COP1: variants seen among roughly 807,000 people sequenced by gnomAD.
The protein encoded by COP1 is E3 ubiquitin-protein ligase COP1.
COP1 carries 24 observed loss-of-function variants against 101.3 expected under a neutral mutation model. The observed-to-expected ratio is 0.24, with a 90% CI of 0.17 to 0.33. The LOEUF (loss-of-function observed/expected upper bound fraction) is 0.33, where lower values mean the gene tolerates loss of function less well. Ranked by LOEUF, COP1 falls within the 10% of genes least tolerant of loss-of-function variation. The pLI is 1.00. For missense variants in COP1, 663 were observed against 906.2 expected (o/e 0.73, Z 3.45); for synonymous variants, 347 against 341.9 (o/e 1.01, Z -0.17).
intron 18 of COP1, among the ~76,000 whole-genome samples, chr1:175,965,177 T>G (rs1032377854): frequency 2.0e-5 from 3 of 152,164 alleles, no homozygotes; most frequent in Admixed American, 6.5e-5. Flanking sequence ...TCTCCTCATG[T>G]AGGAGGTCAT....
At chr1:176,009,273 C>T (rs759518828) in intron 15 of COP1, among the ~76,000 whole-genome samples, 1 of 152,138 alleles carries the variant, frequency 6.6e-6, no homozygotes, top group African/African-American at 2.4e-5. Flanking sequence ...GGTATTTTCC[C>T]ATGGAGATTT....
At chr1:175,991,465 G>A (rs1275005680) in intron 15 of COP1, among the ~76,000 whole-genome samples, 1 of 152,136 alleles carries the variant, frequency 6.6e-6, no homozygotes. Context: ...GTGAGTTAGT[G>A]AGTGGTAAAT....
intron 1 of COP1, among the ~76,000 whole-genome samples, chr1:176,203,058 C>A (rs898138037): frequency 6.6e-6 from 1 of 151,936 alleles, no homozygotes; most frequent in Non-Finnish European, 1.5e-5. Flanking sequence ...ACCTTCTCGG[C>A]CGGGCGCGGT....
At chr1:176,106,689 CAT>C (rs1267942092) in intron 9 of COP1, among the ~76,000 whole-genome samples, 1 of 152,200 alleles carries the variant, frequency 6.6e-6, no homozygotes, top group Non-Finnish European at 1.5e-5. Flanking sequence ...ACTCCTGGCT[CAT>C]TGGCTTCCCC....
intron 15 of COP1, among the ~76,000 whole-genome samples, chr1:176,013,122 G>A (rs1664976325): frequency 6.6e-6 from 1 of 152,016 alleles, no homozygotes; most frequent in South Asian, 2.1e-4. Context: ...CAACATAAAT[G>A]TTGTATGTAA....
At chr1:176,019,589 G>A (rs1426566971) in intron 15 of COP1, among the ~76,000 whole-genome samples, 4 of 150,362 alleles carry the variant, frequency 2.7e-5, no homozygotes, top group African/African-American at 7.3e-5. Context: ...GGCCTGGCAC[G>A]GTGGCTCACA....
rs1165280945 is a variant in COP1 at position 176,206,881 on chromosome 1, G to A, written c.98C>T (p.Ser33Phe). ...SVTSASSSLS[S>F]SPSPPSVAVS... is the part of the protein sequence containing the mutation. ...CGCCACGGAAGGCGGCGACGGGGAAGAGGATAAAGACGAGGAGGCGGAAGT... is the reference window on the plus strand; with the variant it reads ...CGCCACGGAAGGCGGCGACGGGGAAAAGGATAAAGACGAGGAGGCGGAAGT... The change falls in exon 1 of 20, where the codon TCT (serine) becomes TTT (phenylalanine). Residue 33 changes from serine to phenylalanine, a missense_variant. This residue lies in a region of COP1 where 204 missense variants were observed against 203.6 expected (regional missense o/e 1.00). Coordinates refer to ENST00000367669, the MANE Select transcript of COP1 (RefSeq NM_022457.7). 4.1e-6 allele frequency: 6 copies of A among 1,448,304 alleles called. No homozygotes were observed. Among genetic ancestry groups the A allele is most frequent in the African/African-American group, 1.5e-5 (1 of 67,926 alleles). 89.7% of individuals were successfully genotyped at this position (1,448,304 alleles called of 1,614,324 possible). A position where few individuals can be genotyped will look rare whatever the true frequency, so the allele number is the denominator to read the frequency against.
chr1:176,192,214 C>T (rs1558292634), intron 1 of COP1, among the ~76,000 whole-genome samples: 1 of 152,088 alleles, frequency 6.6e-6, no homozygotes, highest in Admixed American at 6.5e-5. Flanking sequence ...TTATTCCATT[C>T]ACACACTCCC....
rs58137281 is a variant in COP1, at chr1:175,953,764, T to TA, written c.2134-6526dup. Among the ~76,000 whole-genome samples, 836 of 125,052 alleles carry TA rather than the reference T, an allele frequency of 6.7e-3. 5 individuals carry two copies. Among genetic ancestry groups the TA allele is most frequent in the African/African-American group, 0.019 (631 of 32,632 alleles). The allele number at this position is 125,052 out of a possible 152,430, so 82.0% of individuals were successfully genotyped here. A position where few individuals can be genotyped will look rare whatever the true frequency, so the allele number is the denominator to read the frequency against. ...TCATAATTAAATAAGGGTCAACTTA[T>TA]AAAAAAAAAAAAAAACTCCTATATA... On this transcript the variant is annotated intron_variant, in intron 18 of 19. Transcript: ENST00000367669.
At chr1:175,964,481 A>G (rs1031653123) in intron 18 of COP1, among the ~76,000 whole-genome samples, 2 of 152,216 alleles carry the variant, frequency 1.3e-5, no homozygotes, top group African/African-American at 2.4e-5. Flanking sequence ...GTGGTAGAAC[A>G]CTATTAGTGA....
At chr1:176,185,780 T>C (rs1050605417) in intron 1 of COP1, among the ~76,000 whole-genome samples, 1 of 152,210 alleles carries the variant, frequency 6.6e-6, no homozygotes, top group Admixed American at 6.5e-5. Flanking sequence ...GGACTTCACA[T>C]TACATGAGAA....
intron 15 of COP1, among the ~76,000 whole-genome samples, chr1:176,004,012 CCT>C (rs1464159580): frequency 6.8e-6 from 1 of 147,544 alleles, no homozygotes; most frequent in Non-Finnish European, 1.5e-5. Flanking sequence ...TTGTTTGTAT[CCT>C]CTTTTATTTC....
intron 18 of COP1, among the ~76,000 whole-genome samples, chr1:175,958,283 T>C (rs934658240): frequency 2.6e-5 from 4 of 152,162 alleles, no homozygotes; most frequent in African/African-American, 9.6e-5. Context: ...CAATTAAAAG[T>C]CATTATTCAT....
At chr1:175,983,391 C>A (rs537076439) in intron 18 of COP1, among the ~76,000 whole-genome samples, 4 of 152,308 alleles carry the variant, frequency 2.6e-5, no homozygotes, top group African/African-American at 9.6e-5. Flanking sequence ...TACAAGTTTT[C>A]TTCTCTTTTC....
chr1:176,187,348 A>ATATATACACATATATACACAC (rs1698595802), intron 1 of COP1, among the ~76,000 whole-genome samples: 1 of 152,000 alleles, frequency 6.6e-6, no homozygotes, highest in Non-Finnish European at 1.5e-5. Context: ...ATACACACAT[A>ATATATACACATATATACACAC]TATATACACA....
At chr1:176,190,134 A>T (rs1004214707) in intron 1 of COP1, among the ~76,000 whole-genome samples, 1 of 152,136 alleles carries the variant, frequency 6.6e-6, no homozygotes, top group Non-Finnish European at 1.5e-5. Context: ...AATATCCATC[A>T]TCCAAAATGG....
chr1:175,969,751 A>T (rs2148595690), intron 18 of COP1, among the ~76,000 whole-genome samples: 1 of 152,324 alleles, frequency 6.6e-6, no homozygotes, highest in Admixed American at 6.5e-5. Context: ...TCTCCCTTAC[A>T]GCATGTAACC....
chr1:176,016,149 GT>G lies in COP1; in HGVS notation c.1729+11422del, dbSNP rs376416328. Among the ~76,000 whole-genome samples the G allele has an allele frequency of 3.8e-3, 579 of 152,042 alleles. 5 individuals are homozygous for G. Among genetic ancestry groups the G allele is most frequent in the African/African-American group, 0.013 (559 of 41,478 alleles). ...AGTAAGTAGAATAGAAATGTCTGGA[GT>G]TTTTTTTAGCTAAGAGTGGAATTGA... On this transcript the variant is annotated intron_variant, in intron 15 of 19. Coordinates refer to ENST00000367669, the MANE Select transcript of COP1 (RefSeq NM_022457.7).
At chr1:176,036,507 C>CAAAAAAAAAAAAAAAAAA (rs77138527) in intron 14 of COP1, among the ~76,000 whole-genome samples, 1 of 127,322 alleles carries the variant, frequency 7.9e-6, no homozygotes, top group African/African-American at 3.1e-5. Context: ...AACAAAAAAA[C>CAAAAAAAAAAAAAAAAAA]AAAAAAAAAA....
Sources: gnomAD v4.1 joint callset for allele counts (sites outside exome capture counted in the v4.1 genomes callset) on GRCh38, gnomAD v4.1.1 for gene constraint, gnomAD v4.1.1 regional missense constraint, MANE v1.5 for transcripts, NCBI Gene and HGNC (gene_info 2026-07-23, HGNC 2026-07-21) for gene names.